PLCH1: variants seen among roughly 807,000 people sequenced by gnomAD.
PLCH1 encodes phospholipase C eta 1, also known as 1-phosphatidylinositol 4,5-bisphosphate phosphodiesterase eta-1.
In PLCH1, 60 loss-of-function variants were observed where a neutral mutation model predicts 126.7. That is an observed-to-expected ratio of 0.47 (90% CI 0.38 to 0.59). The LOEUF (loss-of-function observed/expected upper bound fraction) is 0.59, where lower values mean the gene tolerates loss of function less well. Ranked by LOEUF, PLCH1 falls within the 20% of genes least tolerant of loss-of-function variation. The pLI is 0.00. For synonymous variants in PLCH1, 719 were observed against 734.9 expected, an observed-to-expected ratio of 0.98 and a Z score of 0.35; for missense variants, 1,723 against 2,040.0, an observed-to-expected ratio of 0.84 and a Z score of 2.99.
rs530009082 is a variant in PLCH1, at chr3:155,593,478, G to C, written c.470+463C>G. ...CTGTAAGTTAGAAAGAGAAAAAGCAGGAAGGAGCTCAGTGCCCAGTATCTA... is the reference window on the plus strand; with the variant it reads ...CTGTAAGTTAGAAAGAGAAAAAGCACGAAGGAGCTCAGTGCCCAGTATCTA... On this transcript the variant is annotated intron_variant, in intron 4 of 22. Coordinates refer to ENST00000460012, the MANE Select transcript of PLCH1 (RefSeq NM_014996.4). 3.9e-5 allele frequency among the ~76,000 whole-genome samples: 6 copies of C among 152,312 alleles called. No homozygotes were observed. In the East Asian group the frequency reaches 7.7e-4, roughly 20 times the overall value.
intron 21 of PLCH1, among the ~76,000 whole-genome samples, chr3:155,450,976 A>C (rs1712293637): frequency 1.3e-5 from 2 of 152,172 alleles, no homozygotes; most frequent in Non-Finnish European, 2.9e-5. Context: ...TTACATACCT[A>C]ACCATGAGGA....
chr3:155,708,656 G>A (rs1298235270), intron 1 of PLCH1, among the ~76,000 whole-genome samples: 1 of 152,116 alleles, frequency 6.6e-6, no homozygotes, highest in Non-Finnish European at 1.5e-5. Flanking sequence ...TATTTCCCCT[G>A]CATCTTGTAT....
At position 155,743,359 on chromosome 3, in the gene PLCH1, C is replaced by T. The variant is rs139075162; in HGVS notation, c.-41+1481G>A. 1.8e-3 allele frequency: 715 copies of T among 390,788 alleles called. 4 individuals carry two copies. The highest frequency in any genetic ancestry group is 0.014 in the African/African-American group (656 of 47,036). 24.2% of individuals were successfully genotyped at this position (390,788 alleles called of 1,614,324 possible). On this transcript the variant is annotated intron_variant, in intron 1 of 22. Transcript: ENST00000460012. ...CCAGCCTGGCCAATATGGTGAAACC[C>T]CGTCTCTACTAAAAATACAAAAAAT...
intron 2 of PLCH1, among the ~76,000 whole-genome samples, chr3:155,643,253 C>G (rs1454168769): frequency 6.6e-6 from 1 of 152,002 alleles, no homozygotes; most frequent in Non-Finnish European, 1.5e-5. Context: ...CTGGCCCCAA[C>G]TTGGTTACTT....
downstream of PLCH1, among the ~76,000 whole-genome samples, chr3:155,476,739 A>G (rs1713562596): frequency 6.6e-6 from 1 of 152,132 alleles, no homozygotes. Flanking sequence ...ACACTGATGA[A>G]GGAAATTGAA....
chr3:155,484,751 AAGAC>A (rs918719975), intron 22 of PLCH1, among the ~76,000 whole-genome samples: 3 of 152,126 alleles, frequency 2.0e-5, no homozygotes, highest in Admixed American at 6.5e-5. Context: ...ATTAAGGAAA[AAGAC>A]AGGCAGCACC....
intron 8 of PLCH1, among the ~76,000 whole-genome samples, 179 bp downstream of exon 8, chr3:155,564,736 T>C (rs1016182458): frequency 1.3e-5 from 2 of 152,168 alleles, no homozygotes; most frequent in Non-Finnish European, 2.9e-5. Context: ...TTTCTCCCAA[T>C]TGAACAATAA....
chr3:155,741,691 T>TTTTTTTTATTTTTATTTTTTA (rs1749645157), intron 1 of PLCH1, among the ~76,000 whole-genome samples: 2 of 144,872 alleles, frequency 1.4e-5, no homozygotes, highest in South Asian at 2.2e-4. Context: ...CCTCTTTTTT[T>TTTTTTTTATTTTTATTTTTTA]TTTTTTTTTT....
intron 2 of PLCH1, among the ~76,000 whole-genome samples, chr3:155,653,402 T>C (rs1377033277): frequency 2.0e-5 from 3 of 152,206 alleles, no homozygotes; most frequent in Admixed American, 6.5e-5. Context: ...GTCCAAATCA[T>C]TGGCTTTATT....
At chr3:155,459,523 G>T (rs1185325001) in intron 21 of PLCH1, among the ~76,000 whole-genome samples, 1 of 152,216 alleles carries the variant, frequency 6.6e-6, no homozygotes, top group East Asian at 1.9e-4. Flanking sequence ...GAGTGAAAAT[G>T]TAAAGTAAAT....
chr3:155,675,191 C>A (rs1454526927), intron 2 of PLCH1, among the ~76,000 whole-genome samples: 1 of 152,198 alleles, frequency 6.6e-6, no homozygotes, highest in Admixed American at 6.5e-5. Context: ...TCCAGACAGG[C>A]TTTCAGATCA....
At chr3:155,613,007 G>A (rs1735335096) in intron 2 of PLCH1, among the ~76,000 whole-genome samples, 1 of 150,558 alleles carries the variant, frequency 6.6e-6, no homozygotes, top group African/African-American at 2.5e-5. Flanking sequence ...GATCATTCAA[G>A]GTTCCCATGA....
At chr3:155,709,270 A>C (rs1746915415) in intron 1 of PLCH1, among the ~76,000 whole-genome samples, 1 of 152,242 alleles carries the variant, frequency 6.6e-6, no homozygotes, top group African/African-American at 2.4e-5. Context: ...TGTGGATATA[A>C]GTTTTTAACT....
chr3:155,668,333 TC>T (rs891426826), intron 2 of PLCH1, among the ~76,000 whole-genome samples: 1 of 152,034 alleles, frequency 6.6e-6, no homozygotes, highest in African/African-American at 2.4e-5. Context: ...CTTAGAAAGA[TC>T]CCCTAGCCCA....
intron 15 of PLCH1, among the ~76,000 whole-genome samples, chr3:155,495,467 A>G (rs966888311): frequency 6.6e-6 from 1 of 152,188 alleles, no homozygotes; most frequent in Non-Finnish European, 1.5e-5. Context: ...ACATGCTGGA[A>G]AAGACCAGCC....
At chr3:155,679,161 G>A (rs35159932) in intron 2 of PLCH1, among the ~76,000 whole-genome samples, 10,779 of 152,194 alleles carry the variant, frequency 0.071, 412 homozygotes, top group Middle Eastern at 0.11. Flanking sequence ...AGTTAAATTC[G>A]GATTTCAGAG....
intron 1 of PLCH1, among the ~76,000 whole-genome samples, chr3:155,705,438 C>G (rs1167938561): frequency 2.0e-5 from 3 of 152,142 alleles, no homozygotes; most frequent in Non-Finnish European, 4.4e-5. Context: ...GACTGCTTAT[C>G]CTACTCCCTA....
chr3:155,481,750 A>G lies in PLCH1; in HGVS notation c.4276T>C (p.Tyr1426His). 6.2e-7 allele frequency: 1 copy of G among 1,614,196 alleles called. No homozygotes were observed. The stretch of plus-strand genomic sequence containing the variant: ...AAGCCAGCACCCTGATAGGCTAGAT[A>G]AGAAATACTTTGAGTTTTGACATCT... ...IQDVKTQSIS[Y>H]LAYQGAGFVH... The change falls in exon 23 of 23, where the codon TAT (tyrosine) becomes CAT (histidine). Residue 1426 changes from tyrosine (Y) to histidine (H), a missense_variant. Physicochemically the swap from Tyr to His is moderately conservative, Grantham distance 83. Transcript: ENST00000460012. This position sits in a 1 kb window ranked among gnomAD's most constrained non-coding sequence, Gnocchi z 4.2.
At chr3:155,735,858 G>A (rs959097544) in intron 1 of PLCH1, among the ~76,000 whole-genome samples, 3 of 152,182 alleles carry the variant, frequency 2.0e-5, no homozygotes, top group Non-Finnish European at 2.9e-5. Flanking sequence ...AATATGTTAC[G>A]TCTGAAAAAA....
Sources: allele counts gnomAD v4.1 joint callset (sites outside exome capture counted in the v4.1 genomes callset), GRCh38; gene constraint gnomAD v4.1.1; non-coding constraint Gnocchi (gnomAD v3.1); transcripts MANE v1.5; gene names NCBI Gene and HGNC (gene_info 2026-07-23, HGNC 2026-07-21).